The following COLEC10 variants were observed in gnomAD, a reference collection of about 807,000 sequenced individuals.
COLEC10 encodes the protein collectin-10.
In COLEC10, 22 loss-of-function variants were observed where a neutral mutation model predicts 28.4. That is an observed-to-expected ratio of 0.78 (90% confidence interval 0.55 to 1.11). The LOEUF (loss-of-function observed/expected upper bound fraction) is 1.11. Ranked by LOEUF, COLEC10 falls within the 50% of genes least tolerant of loss-of-function variation. The pLI is 0.00. For synonymous variants in COLEC10, 125 were observed against 116.1 expected (o/e 1.08, Z -0.49); for missense variants, 361 against 344.1 (o/e 1.05, Z -0.39).
the COLEC10 span, among the ~76,000 whole-genome samples, chr8:118,984,998 T>G: frequency 6.6e-6 from 1 of 152,042 alleles, no homozygotes; most frequent in Non-Finnish European, 1.5e-5. Context: ...CCCACCCTGG[T>G]AATTCAATCA....
chr8:119,050,909 C>A (rs1814662495), intron 2 of COLEC10, among the ~76,000 whole-genome samples: 1 of 152,150 alleles, frequency 6.6e-6, no homozygotes, highest in Non-Finnish European at 1.5e-5. Context: ...TTTCATACAT[C>A]TAAAAAATTC....
At chr8:118,993,947 G>A (rs575082218), upstream of COLEC10, among the ~76,000 whole-genome samples, 1 of 152,268 alleles carries the variant, frequency 6.6e-6, no homozygotes, top group Admixed American at 6.5e-5. Flanking sequence ...AGTAGACCAA[G>A]GGAGTTGCAT....
the COLEC10 span, among the ~76,000 whole-genome samples, chr8:118,975,629 C>T: frequency 6.6e-6 from 1 of 151,968 alleles, no homozygotes; most frequent in African/African-American, 2.4e-5. Context: ...TTTCCAGTGG[C>T]TTGGATTCTT....
chr8:118,973,796 TGAGTC>T, the COLEC10 span, among the ~76,000 whole-genome samples: 1 of 152,010 alleles, frequency 6.6e-6, no homozygotes, highest in Non-Finnish European at 1.5e-5. Context: ...CTTTAAAGCA[TGAGTC>T]GGGTCATGCC....
chr8:119,069,283 C>T (rs1815040066), intron 1 of COLEC10, among the ~76,000 whole-genome samples: 1 of 151,828 alleles, frequency 6.6e-6, no homozygotes, highest in Admixed American at 6.6e-5. Context: ...ACACCAGAAA[C>T]CAAGACATGA....
At chr8:119,077,094 C>T (rs1157944850) in intron 1 of COLEC10, among the ~76,000 whole-genome samples, 1 of 152,196 alleles carries the variant, frequency 6.6e-6, no homozygotes, top group Admixed American at 6.5e-5. Flanking sequence ...ACCACAGCCA[C>T]AGACCAAATA....
intron 2 of COLEC10, among the ~76,000 whole-genome samples, chr8:119,058,797 G>A (rs192682602): frequency 6.6e-6 from 1 of 151,994 alleles, no homozygotes; most frequent in African/African-American, 2.4e-5. Flanking sequence ...TTAATTGCTG[G>A]ATTATGCTTT....
At chr8:118,971,480 C>A in the COLEC10 span, among the ~76,000 whole-genome samples, 2 of 151,936 alleles carry the variant, frequency 1.3e-5, no homozygotes, top group African/African-American at 2.4e-5. Flanking sequence ...CTCAATATAG[C>A]CTAATTTTTT....
At chr8:118,988,087 T>C in the COLEC10 span, among the ~76,000 whole-genome samples, 2 of 152,162 alleles carry the variant, frequency 1.3e-5, no homozygotes, top group Non-Finnish European at 2.9e-5. Context: ...GAAAAGAAGC[T>C]GCTGGAGCCA....
intron 2 of COLEC10, among the ~76,000 whole-genome samples, chr8:119,042,700 G>C (rs1452292331): frequency 2.6e-5 from 4 of 152,176 alleles, no homozygotes; most frequent in African/African-American, 9.7e-5. Context: ...CTTACTAGCT[G>C]TGCAAACTTG....
At chr8:118,999,078 G>A (rs992651354) in intron 1 of COLEC10, among the ~76,000 whole-genome samples, 1 of 151,954 alleles carries the variant, frequency 6.6e-6, no homozygotes, top group Non-Finnish European at 1.5e-5. Flanking sequence ...TGTGTCCAAG[G>A]TCACACAGTA....
intron 1 of COLEC10, among the ~76,000 whole-genome samples, chr8:119,002,696 T>A (rs954258357): frequency 6.6e-6 from 1 of 152,152 alleles, no homozygotes; most frequent in Non-Finnish European, 1.5e-5. Flanking sequence ...TATGGTCAAT[T>A]AAATTGTTTT....
chr8:119,016,651 G>A (rs1448585185), intron 2 of COLEC10, among the ~76,000 whole-genome samples: 1 of 151,836 alleles, frequency 6.6e-6, no homozygotes, highest in Non-Finnish European at 1.5e-5. Context: ...CAGTGTAAAA[G>A]CATTTCTATT....
intron 2 of COLEC10, among the ~76,000 whole-genome samples, chr8:119,048,424 A>C (rs1382078611): frequency 6.6e-6 from 1 of 152,188 alleles, no homozygotes; most frequent in African/African-American, 2.4e-5. Flanking sequence ...TTGATAATCT[A>C]ACATTGTCAG....
At chr8:119,065,378 G>A (rs1814934567), upstream of COLEC10, among the ~76,000 whole-genome samples, 1 of 152,124 alleles carries the variant, frequency 6.6e-6, no homozygotes, top group African/African-American at 2.4e-5. Context: ...GATTTAGGTT[G>A]CCTGATATTT....
intron 2 of COLEC10, among the ~76,000 whole-genome samples, chr8:119,011,971 A>C (rs1177490043): frequency 6.6e-6 from 1 of 150,474 alleles, no homozygotes; most frequent in African/African-American, 2.5e-5. Flanking sequence ...GTCTTGTTGC[A>C]TTATCTAGGA....
intron 2 of COLEC10, among the ~76,000 whole-genome samples, chr8:119,049,494 A>G (rs1271369685): frequency 1.5e-5 from 2 of 129,706 alleles, no homozygotes; most frequent in Non-Finnish European, 3.1e-5. Flanking sequence ...GGCTCACTGC[A>G]GGCTTCGCCT....
chr8:119,089,595 G>T, intron 1 of COLEC10, 85 bp from the exon 2 acceptor site: 1 of 1,079,480 alleles, frequency 9.3e-7, no homozygotes, highest in Middle Eastern at 2.0e-4. Context: ...GGGAAAGATT[G>T]TAACCATGTC....
intron 2 of COLEC10, among the ~76,000 whole-genome samples, chr8:119,029,715 T>C (rs1286673651): frequency 2.2e-5 from 2 of 91,802 alleles, no homozygotes; most frequent in Non-Finnish European, 4.1e-5. Flanking sequence ...TCAAGGAACT[T>C]TTAATCTCAT....
Sources: gnomAD v4.1 joint callset for allele counts (sites outside exome capture counted in the v4.1 genomes callset) on GRCh38, gnomAD v4.1.1 for gene constraint, MANE v1.5 for transcripts, NCBI Gene and HGNC (gene_info 2026-07-23, HGNC 2026-07-21) for gene names.